Variants in CABIN1 observed in about 807,000 individuals in gnomAD.
The protein encoded by CABIN1 is calcineurin binding protein 1.
A neutral mutation model predicts 227.7 loss-of-function variants in CABIN1; 133 were observed. The ratio of observed to expected loss-of-function variants is 0.58; its 90% confidence interval spans 0.51 to 0.67. The LOEUF (loss-of-function observed/expected upper bound fraction) is 0.67, where lower values mean the gene tolerates loss of function less well. Among genes scored for constraint, CABIN1 ranks in the 30% least tolerant of loss-of-function variants. The pLI is 0.00. For synonymous variants in CABIN1, 1,086 were observed against 1,155.1 expected, an observed-to-expected ratio of 0.94 and a Z score of 1.21; for missense variants, 2,408 against 2,852.5, an observed-to-expected ratio of 0.84 and a Z score of 3.55.
chr22:24,161,410 G>C (rs2046145108), intron 29 of CABIN1, among the ~76,000 whole-genome samples: 2 of 152,210 alleles, frequency 1.3e-5, no homozygotes, highest in Non-Finnish European at 2.9e-5. Context: ...TCTGAAGACA[G>C]CAAGTGTGCC....
intron 1 of CABIN1, among the ~76,000 whole-genome samples, chr22:24,014,304 A>C (rs1265690203): frequency 6.6e-6 from 1 of 152,112 alleles, no homozygotes; most frequent in East Asian, 1.9e-4. Flanking sequence ...GATATGTATT[A>C]TATTCTATGA....
At chr22:24,029,554 C>A (rs2036343451) in intron 1 of CABIN1, among the ~76,000 whole-genome samples, 1 of 149,666 alleles carries the variant, frequency 6.7e-6, no homozygotes, top group Non-Finnish European at 1.5e-5. Context: ...GAGACCCTGT[C>A]TTAAAAAAAA....
At chr22:24,074,904 C>CAAAAGT (rs2040335135) in intron 18 of CABIN1, among the ~76,000 whole-genome samples, 1 of 152,100 alleles carries the variant, frequency 6.6e-6, no homozygotes, top group South Asian at 2.1e-4. Context: ...ATTTAAGAGC[C>CAAAAGT]AAAAGTAACA....
At chr22:24,168,225 G>A (rs993079404) in intron 32 of CABIN1, among the ~76,000 whole-genome samples, 1 of 152,250 alleles carries the variant, frequency 6.6e-6, no homozygotes, top group African/African-American at 2.4e-5. Context: ...AGATGGATGG[G>A]CATCTGCCCC....
intron 6 of CABIN1, among the ~76,000 whole-genome samples, chr22:24,048,166 A>G (rs904460994): frequency 7.2e-5 from 11 of 152,172 alleles, no homozygotes; most frequent in African/African-American, 2.2e-4. Context: ...CTTTAATAAT[A>G]GGTTTTTTTT....
chr22:24,156,017 C>G (rs1225322629), intron 29 of CABIN1: 4 of 573,178 alleles, frequency 7.0e-6, no homozygotes, highest in Non-Finnish European at 1.2e-5. Context: ...CGAGCCTCCG[C>G]GGCCATGGCC....
chr22:24,122,640 G>A (rs750824107), intron 28 of CABIN1, among the ~76,000 whole-genome samples: 8 of 151,926 alleles, frequency 5.3e-5, no homozygotes, highest in African/African-American at 7.3e-5. Flanking sequence ...CTGGGGAGGC[G>A]GAGGTTGCAG....
At position 24,166,659 on chromosome 22, in the gene CABIN1, C is replaced by T; in HGVS notation, c.5028C>T (p.Pro1676=). The change falls in exon 32 of 37, where the codon CCC becomes CCT. Residue 1676 remains proline, a synonymous_variant. Coordinates refer to ENST00000263119, the MANE Select transcript of CABIN1 (RefSeq NM_012295.4). The part of the protein sequence containing the change: ...ELAEGSERPG[P]KVCGLPGARM... ...TGTAGGGGTCAGAACGCCCAGGGCC[C>T]AAGGTCTGTGGCCTCCCCGGAGCCA... 3 of 1,612,840 alleles carry T rather than the reference C, an allele frequency of 1.9e-6. No homozygotes were observed. The highest frequency in any genetic ancestry group is 2.5e-6 in the Non-Finnish European group (3 of 1,179,984).
Position 24,072,488 on chromosome 22 carries a change from G to A in CABIN1, c.2610G>A (p.Gln870=). 6.2e-7 allele frequency: 1 copy of A among 1,614,200 alleles called. No individual in the cohort carries two copies. The highest frequency in any genetic ancestry group is 8.5e-7 in the Non-Finnish European group (1 of 1,180,038). Residue 870 remains glutamine (Q), a synonymous_variant, in exon 18 of 37, where the codon CAG becomes CAA. Coordinates refer to ENST00000263119, the MANE Select transcript of CABIN1 (RefSeq NM_012295.4). ...DTFHSLCHQQ[Q]LQNPAEEGMS... ...TCCATTCTCTGTGCCACCAGCAGCA[G>A]CTCCAAAACCCAGCGGAGGAAGGTG... is the stretch of plus-strand genomic sequence containing the variant.
intron 10 of CABIN1, among the ~76,000 whole-genome samples, chr22:24,057,631 A>G (rs1436596354): frequency 6.6e-6 from 1 of 152,210 alleles, no homozygotes; most frequent in African/African-American, 2.4e-5. Flanking sequence ...TAACAACATC[A>G]AAGTGGTGAA....
At chr22:24,017,236 A>T (rs565596626) in intron 1 of CABIN1, among the ~76,000 whole-genome samples, 3 of 151,828 alleles carry the variant, frequency 2.0e-5, no homozygotes, top group Admixed American at 1.3e-4. Context: ...ACAGGGTTTC[A>T]CTGTGTTAGC....
rs376365223 is a variant in CABIN1 at position 24,177,745 on chromosome 22, C to T, written c.6447C>T (p.Thr2149=). Residue 2149 remains threonine (T), a synonymous_variant, in exon 36 of 37, where the codon ACC becomes ACT. Coordinates refer to ENST00000263119, the MANE Select transcript of CABIN1 (RefSeq NM_012295.4). The surrounding 1 kb of genome is among the most constrained non-coding windows in gnomAD (Gnocchi z 4.4). ...SAATKFPPEI[T]VTPPTPTLLS... is the part of the protein sequence containing the mutation. Reference sequence around the variant, plus strand: ...CCACCAAGTTCCCCCCTGAGATCACCGTCACGCCACCCACCCCAACCCTGC... The same window carrying T: ...CCACCAAGTTCCCCCCTGAGATCACTGTCACGCCACCCACCCCAACCCTGC... The T allele has an allele frequency of 3.1e-6, 5 of 1,612,058 alleles. No homozygotes were observed. The highest frequency in any genetic ancestry group is 4.2e-6 in the Non-Finnish European group (5 of 1,178,658).
At chr22:24,052,353 T>C (rs2038400977) in intron 8 of CABIN1, among the ~76,000 whole-genome samples, 1 of 152,160 alleles carries the variant, frequency 6.6e-6, no homozygotes, top group Admixed American at 6.5e-5. Flanking sequence ...GCTTTTATAG[T>C]AATCTCCATC....
rs71184942 is a variant in CABIN1, at chr22:24,037,259, C to CAAAA, written c.97-1073_97-1070dup. The stretch of plus-strand genomic sequence containing the variant: ...TGGGCGACAGAGTGAGACCCCGTCT[C>CAAAA]AAAAAAAAAAAAAAAAAAAGAAAAG... On this transcript the variant is annotated intron_variant, in intron 3 of 36. Transcript: ENST00000263119. Among the ~76,000 whole-genome samples the CAAAA allele has an allele frequency of 1.3e-3, 71 of 52,612 alleles. 1 individual carries two copies. The highest frequency in any genetic ancestry group is 3.2e-3 in the South Asian group (5 of 1,548). 34.5% of individuals were successfully genotyped at this position (52,612 alleles called of 152,430 possible). A position where few individuals can be genotyped will look rare whatever the true frequency, so the allele number is the denominator to read the frequency against.
chr22:24,024,879 C>T (rs1327080812), intron 1 of CABIN1, among the ~76,000 whole-genome samples: 3 of 152,120 alleles, frequency 2.0e-5, no homozygotes, highest in African/African-American at 7.2e-5. Flanking sequence ...GTGATAATCT[C>T]ATCTTGTTCT....
intron 12 of CABIN1, among the ~76,000 whole-genome samples, chr22:24,061,273 C>T (rs2267054): frequency 0.016 from 2,459 of 152,298 alleles, 81 homozygotes; most frequent in East Asian, 0.14. Context: ...GCCCCTTACT[C>T]CTGTTGGAGG....
chr22:24,063,821 C>T (rs777170879), intron 14 of CABIN1, among the ~76,000 whole-genome samples: 3 of 152,288 alleles, frequency 2.0e-5, no homozygotes, highest in Non-Finnish European at 4.4e-5. Flanking sequence ...ATGATATCTC[C>T]CCTCGCAGAG....
Position 24,084,991 on chromosome 22 carries a change from C to G in CABIN1, c.3118-15C>G. On this transcript the variant is annotated splice_polypyrimidine_tract_variant and intron_variant, in intron 21 of 36. Transcript: ENST00000263119. ...TGACTCCACCTCCCCTCATACTTTT[C>G]CTCTCACCTGCCAGGTACCCTGCCT... The G allele has an allele frequency of 6.2e-7, 1 of 1,614,228 alleles. No individual in the cohort carries two copies. Among genetic ancestry groups the G allele is most frequent in the Non-Finnish European group, 8.5e-7 (1 of 1,180,032 alleles).
chr22:24,026,202 G>A (rs1278219256), intron 1 of CABIN1, among the ~76,000 whole-genome samples: 5 of 152,126 alleles, frequency 3.3e-5, no homozygotes, highest in African/African-American at 1.2e-4. Context: ...TCAAACTCCT[G>A]GGCTCAAGCA....
Sources: allele counts gnomAD v4.1 joint callset (sites outside exome capture counted in the v4.1 genomes callset), GRCh38; gene constraint gnomAD v4.1.1; non-coding constraint Gnocchi (gnomAD v3.1); transcripts MANE v1.5; gene names NCBI Gene and HGNC (gene_info 2026-07-23, HGNC 2026-07-21).